Variants in TRIOBP observed in about 807,000 individuals in gnomAD.
TRIOBP encodes TRIO and F-actin-binding protein.
In TRIOBP, 169 loss-of-function variants were observed where a neutral mutation model predicts 238.8. The observed-to-expected ratio is 0.71, with a 90% CI of 0.62 to 0.80. The LOEUF is 0.80. Ranked by LOEUF, TRIOBP falls within the 30% of genes least tolerant of loss-of-function variation. TRIOBP has a pLI of 0.00. For synonymous variants in TRIOBP, 1,150 were observed against 1,274.4 expected (o/e 0.90, Z 2.08); for missense variants, 2,838 against 3,122.6 (o/e 0.91, Z 2.17).
At chr22:37,698,509 C>T (rs369968229) in intron 2 of TRIOBP, among the ~76,000 whole-genome samples, 2 of 151,416 alleles carry the variant, frequency 1.3e-5, no homozygotes, top group African/African-American at 4.8e-5. Flanking sequence ...ATGCGCACCA[C>T]GCCCAGCTAA....
rs1364507041 is a variant in TRIOBP at position 37,774,408 on chromosome 22, C to G, written c.*628C>G. On this transcript the variant is annotated 3_prime_UTR_variant, in exon 24 of 24. Transcript: ENST00000644935. ...GCAGCTGGCCTCCATGGCCCCACAG[C>G]CTCCTTCGAGGCTGTGCTGGGTGCA... 6.6e-6 allele frequency: 1 copy of G among 152,292 alleles called. No homozygotes were observed. Among genetic ancestry groups the G allele is most frequent in the East Asian group, 1.9e-4 (1 of 5,202 alleles). 9.4% of individuals were successfully genotyped at this position (152,292 alleles called of 1,614,324 possible).
At chr22:37,698,206 AAAAAAAAAAAAAG>A (rs945272638) in intron 2 of TRIOBP, among the ~76,000 whole-genome samples, 20 of 123,988 alleles carry the variant, frequency 1.6e-4, no homozygotes, top group South Asian at 6.1e-4. Context: ...TCTCAAAAAA[AAAAAAAAAAAAAG>A]AAAGAAAGAC....
At chr22:37,713,583 G>C (rs151255193) in intron 5 of TRIOBP, among the ~76,000 whole-genome samples, 172 bp downstream of exon 5, 1 of 152,344 alleles carries the variant, frequency 6.6e-6, no homozygotes, top group Non-Finnish European at 1.5e-5. Context: ...CCTGGAGAGT[G>C]GGGATTTCTG....
Position 37,735,180 on chromosome 22 carries a change from C to T in TRIOBP, c.4844C>T (p.Pro1615Leu). The part of the protein sequence containing the change: ...LARALGPELG[P>L]PGTNDVPEQE... The stretch of plus-strand genomic sequence containing the variant: ...AGGGCTTTAGGGCCAGAGCTGGGTC[C>T]CCCAGGCACAAACGATGTCCCTGAG... Residue 1615 changes from proline to leucine, a missense_variant, in exon 9 of 24, where the codon CCC (proline) becomes CTC (leucine). By Grantham distance (98) the Pro-to-Leu change is moderately conservative (BLOSUM62 -3). Transcript: ENST00000644935. 6.2e-7 allele frequency: 1 copy of T among 1,609,798 alleles called. No homozygotes were observed. The highest frequency in any genetic ancestry group is 8.5e-7 in the Non-Finnish European group (1 of 1,177,262).
intron 10 of TRIOBP, among the ~76,000 whole-genome samples, chr22:37,739,503 G>A (rs1924837730): frequency 6.6e-6 from 1 of 152,196 alleles, no homozygotes; most frequent in African/African-American, 2.4e-5. Context: ...TCACTGTGCA[G>A]ATGAGGAAAT....
At position 37,701,934 on chromosome 22, in the gene TRIOBP, C is replaced by T. The variant is rs1054244123; in HGVS notation, c.114+455C>T. Among the ~76,000 whole-genome samples the T allele has an allele frequency of 5.3e-5, 8 of 152,148 alleles. No homozygotes were observed. The East Asian group carries it at 1.6e-3, about 30-fold the overall frequency. ...CCCGAGGTCGGGAGTTTGAAACCAG[C>T]CTGGCCAACATGGTGAAAATTAGCT... is the stretch of plus-strand genomic sequence containing the variant. On this transcript the variant is annotated intron_variant, in intron 3 of 23. Coordinates refer to ENST00000644935, the MANE Select transcript of TRIOBP (RefSeq NM_001039141.3).
chr22:37,717,601 TA>T (rs1402343869), intron 6 of TRIOBP, among the ~76,000 whole-genome samples: 1 of 152,220 alleles, frequency 6.6e-6, no homozygotes. Context: ...ACAGAGTAGC[TA>T]GATACAGAGT....
chr22:37,713,432 T>C (rs1263566127), intron 5 of TRIOBP, 21 bp downstream of exon 5: 1 of 1,610,232 alleles, frequency 6.2e-7, no homozygotes, highest in Admixed American at 1.7e-5. Context: ...AGTGGGAGTT[T>C]GGGGGACAAG....
Position 37,725,828 on chromosome 22 carries a change from C to A in TRIOBP, c.3272C>A (p.Thr1091Lys), listed in dbSNP as rs750855263. ...GACCCCTTCCCCTTCCTCCCAGACACATCAGATGCCGAGCATCAGTGTCAG... is the reference window on the plus strand; with the variant it reads ...GACCCCTTCCCCTTCCTCCCAGACAAATCAGATGCCGAGCATCAGTGTCAG... Reference protein sequence around the residue: ...QFDPFPFLPDTSDAEHQCQSP... With the variant: ...QFDPFPFLPDKSDAEHQCQSP... Residue 1091 changes from threonine (T) to lysine (K), a missense_variant, in exon 7 of 24, where the codon ACA becomes AAA. Around this residue, in one of 5 missense-constraint regions of TRIOBP, gnomAD observed 2,096 missense variants for 2,137.4 expected, o/e 0.98. Coordinates refer to ENST00000644935, the MANE Select transcript of TRIOBP (RefSeq NM_001039141.3). 2.5e-6 allele frequency: 4 copies of A among 1,611,680 alleles called. No individual in the cohort carries two copies. Among genetic ancestry groups the A allele is most frequent in the Non-Finnish European group, 3.4e-6 (4 of 1,179,166 alleles).
chr22:37,772,836 C>A, intron 23 of TRIOBP, 72 bp downstream of exon 23: 1 of 1,559,586 alleles, frequency 6.4e-7, no homozygotes. Context: ...ACTCCCTGGA[C>A]CACCCCAGCC....
intron 6 of TRIOBP, among the ~76,000 whole-genome samples, chr22:37,719,370 G>C (rs1433526763): frequency 3.3e-5 from 5 of 152,040 alleles, no homozygotes; most frequent in Non-Finnish European, 5.9e-5. Context: ...TGTGCCCTTT[G>C]CTGAGAGCAG....
At chr22:37,750,694 G>A (rs146149264) in intron 11 of TRIOBP, 13 of 471,162 alleles carry the variant, frequency 2.8e-5, no homozygotes, top group African/African-American at 1.8e-4. Flanking sequence ...GACTGTGGCT[G>A]TGGAAGGTTC....
At position 37,734,541 on chromosome 22, in the gene TRIOBP, C is replaced by G; in HGVS notation, c.4205C>G (p.Thr1402Ser). Reference protein sequence around the residue: ...SPLPPRTSARTPERELRTQRP... With the variant: ...SPLPPRTSARSPERELRTQRP... The stretch of plus-strand genomic sequence containing the variant: ...CTGCCCCCCAGGACATCAGCCAGGA[C>G]CCCTGAGAGGGAGCTGCGGACACAG... Residue 1402 changes from threonine (T) to serine (S), a missense_variant, in exon 9 of 24, where the codon ACC (threonine) becomes AGC (serine). By Grantham distance (58) the Thr-to-Ser change is moderately conservative (BLOSUM62 1). This residue lies in a region of TRIOBP where 2,096 missense variants were observed against 2,137.4 expected (regional missense o/e 0.98). Coordinates refer to ENST00000644935, the MANE Select transcript of TRIOBP (RefSeq NM_001039141.3). 6.3e-7 allele frequency: 1 copy of G among 1,598,884 alleles called. No individual in the cohort carries two copies. Among genetic ancestry groups the G allele is most frequent in the South Asian group, 1.1e-5 (1 of 89,252 alleles).
chr22:37,727,793 T>A (rs6519078), intron 7 of TRIOBP, among the ~76,000 whole-genome samples: 29,875 of 152,188 alleles, frequency 0.2, 3,184 homozygotes, highest in Admixed American at 0.26. Context: ...CTTTTGAGTC[T>A]CCTTGGTCAG....
chr22:37,749,715 G>A (rs1925476979), intron 11 of TRIOBP, among the ~76,000 whole-genome samples: 1 of 151,076 alleles, frequency 6.6e-6, no homozygotes, highest in Admixed American at 6.6e-5. Flanking sequence ...TGGAGGCCGA[G>A]GTGAGCGGAT....
At chr22:37,751,750 C>T (rs1234497916) in intron 11 of TRIOBP, 22 bp from the exon 12 acceptor site, 1 of 1,614,110 alleles carries the variant, frequency 6.2e-7, no homozygotes, top group Non-Finnish European at 8.5e-7. Context: ...CCCAACTCAC[C>T]TCCCTCCTCA....
chr22:37,730,597 C>T (rs188344579), intron 7 of TRIOBP, among the ~76,000 whole-genome samples: 23 of 152,242 alleles, frequency 1.5e-4, no homozygotes, highest in African/African-American at 5.5e-4. Context: ...GGAAAATTCA[C>T]TCTAAGGCCT....
intron 11 of TRIOBP, chr22:37,746,507 GC>G: frequency 8.6e-7 from 1 of 1,165,800 alleles, no homozygotes; most frequent in Non-Finnish European, 1.1e-6. Flanking sequence ...CTCCGGGGCA[GC>G]CCCCTCCTCA....
Position 37,735,313 on chromosome 22 carries a change from C to T in TRIOBP, c.4977C>T (p.Cys1659=), listed in dbSNP as rs374533359. The change falls in exon 9 of 24, where the codon TGC becomes TGT. Residue 1659 remains cysteine, a synonymous_variant. Transcript: ENST00000644935. Reference sequence around the variant, plus strand: ...CGGTCCAGCTGCCCAGCCCTGCCTGCACCTCCACCCAGTGGCCAAAGATCA... The same window carrying T: ...CGGTCCAGCTGCCCAGCCCTGCCTGTACCTCCACCCAGTGGCCAAAGATCA... ...QSPVQLPSPA[C]TSTQWPKIKV... The T allele has an allele frequency of 1.9e-6, 3 of 1,612,712 alleles. No homozygotes were observed. The highest frequency in any genetic ancestry group is 2.5e-6 in the Non-Finnish European group (3 of 1,179,376).
Sources: allele counts gnomAD v4.1 joint callset (sites outside exome capture counted in the v4.1 genomes callset), GRCh38; gene constraint gnomAD v4.1.1; regional missense constraint gnomAD v4.1.1; transcripts MANE v1.5; gene names NCBI Gene and HGNC (gene_info 2026-07-23, HGNC 2026-07-21).